The following DTWD2 variants were observed in gnomAD, a reference collection of about 807,000 sequenced individuals.
DTWD2 encodes the protein tRNA-uridine aminocarboxypropyltransferase 2.
DTWD2 carries 39 observed loss-of-function variants against 31.8 expected under a neutral mutation model. That is an observed-to-expected ratio of 1.22 (90% CI 0.95 to 1.60). The LOEUF is 1.60. DTWD2 is among the 40% of genes most tolerant of loss of function. DTWD2 has a pLI of 0.00. For synonymous variants in DTWD2, 180 were observed against 142.8 expected (o/e 1.26, Z -1.86); for missense variants, 515 against 381.5 (o/e 1.35, Z -2.92).
At chr5:118,973,331 T>G (rs1204137511) in intron 1 of DTWD2, among the ~76,000 whole-genome samples, 1 of 152,216 alleles carries the variant, frequency 6.6e-6, no homozygotes, top group Admixed American at 6.5e-5. Context: ...CCTTAGTTGA[T>G]GCAGTTTCTT....
chr5:118,936,910 G>C (rs573016277), intron 3 of DTWD2, among the ~76,000 whole-genome samples: 18 of 152,140 alleles, frequency 1.2e-4, no homozygotes, highest in African/African-American at 4.3e-4. Flanking sequence ...TACCACTACA[G>C]ATTCTACAGA....
intron 2 of DTWD2, among the ~76,000 whole-genome samples, chr5:118,942,878 T>C (rs1045662069): frequency 2.6e-5 from 4 of 151,960 alleles, no homozygotes; most frequent in East Asian, 3.9e-4. Flanking sequence ...TCATAGCTCA[T>C]TGCAGCCTAA....
chr5:118,860,446 C>T (rs1752235719), intron 4 of DTWD2, among the ~76,000 whole-genome samples: 1 of 151,844 alleles, frequency 6.6e-6, no homozygotes, highest in African/African-American at 2.4e-5. Context: ...AAACAGTCCA[C>T]ATTTTTGATA....
intron 4 of DTWD2, among the ~76,000 whole-genome samples, chr5:118,885,627 T>C (rs895516835): frequency 2.6e-5 from 4 of 151,518 alleles, no homozygotes; most frequent in African/African-American, 9.7e-5. Context: ...TAGCCAGGCG[T>C]GGTGGCATGC....
intron 2 of DTWD2, among the ~76,000 whole-genome samples, chr5:118,940,632 C>A (rs902438617): frequency 5.3e-5 from 8 of 152,126 alleles, no homozygotes; most frequent in African/African-American, 1.7e-4. Context: ...GCACACAATT[C>A]TAAGTACAAT....
intron 4 of DTWD2, among the ~76,000 whole-genome samples, chr5:118,911,684 C>T (rs1041270174): frequency 2.0e-5 from 3 of 152,170 alleles, no homozygotes; most frequent in Non-Finnish European, 4.4e-5. Flanking sequence ...TATACACACA[C>T]ACACAATGTA....
At chr5:118,914,510 CA>C (rs1483483445) in intron 4 of DTWD2, among the ~76,000 whole-genome samples, 8 of 152,246 alleles carry the variant, frequency 5.3e-5, no homozygotes, top group South Asian at 4.2e-4. Context: ...GTTTATTGAG[CA>C]CAGGTACAAC....
At chr5:118,855,631 T>G (rs573461426) in intron 4 of DTWD2, among the ~76,000 whole-genome samples, 51 of 152,236 alleles carry the variant, frequency 3.4e-4, no homozygotes, top group African/African-American at 1.1e-3. Flanking sequence ...AAGAATATCT[T>G]TAGTATCAAG....
At chr5:118,982,624 T>C (rs1035504757) in intron 1 of DTWD2, among the ~76,000 whole-genome samples, 1 of 152,010 alleles carries the variant, frequency 6.6e-6, no homozygotes, top group Non-Finnish European at 1.5e-5. Flanking sequence ...AATACCCAAA[T>C]TTTTACCCTA....
chr5:118,988,434 C>T lies in DTWD2; in HGVS notation c.78G>A (p.Pro26=). The change falls in exon 1 of 6, where the codon CCG becomes CCA. Residue 26 remains proline (P), a synonymous_variant. Coordinates refer to ENST00000510708, the MANE Select transcript of DTWD2 (RefSeq NM_173666.4). The stretch of plus-strand genomic sequence containing the variant: ...CGCCCTCCCGCCGCTCCTTGTCGTT[C>T]GGCGTCTGAGAGCTTGAGGCCCCAG... ...RPSGASSSQT[P]NDKERREGGA... is the part of the protein sequence containing the mutation. The T allele has an allele frequency of 1.2e-6, 2 of 1,607,316 alleles. No homozygotes were observed. Among genetic ancestry groups the T allele is most frequent in the Non-Finnish European group, 1.7e-6 (2 of 1,178,286 alleles).
At chr5:118,865,559 C>T (rs1752363440) in intron 4 of DTWD2, among the ~76,000 whole-genome samples, 1 of 152,112 alleles carries the variant, frequency 6.6e-6, no homozygotes, top group Admixed American at 6.6e-5. Context: ...TTTTCTCAAA[C>T]TTCCTTTGAA....
intron 1 of DTWD2, among the ~76,000 whole-genome samples, chr5:118,968,604 A>G (rs1754908167): frequency 6.6e-6 from 1 of 152,138 alleles, no homozygotes; most frequent in Non-Finnish European, 1.5e-5. Context: ...TTTTTCCCAT[A>G]GATCTTTGCA....
At chr5:118,911,759 C>A (rs946654829) in intron 4 of DTWD2, among the ~76,000 whole-genome samples, 2 of 152,162 alleles carry the variant, frequency 1.3e-5, no homozygotes, top group African/African-American at 4.8e-5. Context: ...TGGAGAACAA[C>A]TCAAATAATA....
At chr5:118,882,858 G>T (rs941699125) in intron 4 of DTWD2, among the ~76,000 whole-genome samples, 3 of 152,252 alleles carry the variant, frequency 2.0e-5, no homozygotes, top group Non-Finnish European at 4.4e-5. Context: ...TATCTGACAT[G>T]CCCTGGAGAC....
At chr5:118,867,712 G>C (rs1360027960) in intron 4 of DTWD2, among the ~76,000 whole-genome samples, 1 of 152,104 alleles carries the variant, frequency 6.6e-6, no homozygotes, top group Non-Finnish European at 1.5e-5. Flanking sequence ...ACATGAACAT[G>C]CAGTCATCTA....
chr5:118,895,100 T>C (rs1753056306), intron 4 of DTWD2, among the ~76,000 whole-genome samples: 1 of 152,160 alleles, frequency 6.6e-6, no homozygotes, highest in South Asian at 2.1e-4. Context: ...TACATGTCCT[T>C]ATATTTAAAA....
rs1351849150 is a variant in DTWD2 at position 118,837,074 on chromosome 5, A to T, written c.*3843T>A. On this transcript the variant is annotated 3_prime_UTR_variant, in exon 6 of 6. Transcript: ENST00000510708. ...ACATGCTATGTAAGGATGTATGAGT[A>T]TTTGTATAAATAACAACAGCTAGTA... Among the ~76,000 whole-genome samples the T allele has an allele frequency of 6.6e-6, 1 of 152,228 alleles. No homozygotes were observed. Among genetic ancestry groups the T allele is most frequent in the African/African-American group, 2.4e-5 (1 of 41,458 alleles).
intron 1 of DTWD2, among the ~76,000 whole-genome samples, chr5:118,956,065 G>C (rs940975701): frequency 2.0e-5 from 3 of 152,120 alleles, no homozygotes; most frequent in African/African-American, 7.2e-5. Context: ...CCTTGGGCAT[G>C]TCACAGATTT....
intron 4 of DTWD2, among the ~76,000 whole-genome samples, chr5:118,869,522 G>C (rs1217841627): frequency 6.6e-6 from 1 of 152,134 alleles, no homozygotes; most frequent in Non-Finnish European, 1.5e-5. Flanking sequence ...AAGGAACAGA[G>C]AAATTTTTGT....
Sources: gnomAD v4.1 joint callset for allele counts (sites outside exome capture counted in the v4.1 genomes callset) on GRCh38, gnomAD v4.1.1 for gene constraint, MANE v1.5 for transcripts, NCBI Gene and HGNC (gene_info 2026-07-23, HGNC 2026-07-21) for gene names.